ITPR3: variants seen among roughly 807,000 people sequenced by gnomAD.
ITPR3 encodes inositol 1,4,5-trisphosphate receptor type 3.
A neutral mutation model predicts 293.2 loss-of-function variants in ITPR3; 173 were observed. That is an observed-to-expected ratio of 0.59 (90% CI 0.52 to 0.67). The LOEUF (loss-of-function observed/expected upper bound fraction) is 0.67. Among genes scored for constraint, ITPR3 ranks in the 30% least tolerant of loss-of-function variants. The pLI is 0.00. For missense variants in ITPR3, 2,796 were observed against 3,592.1 expected (o/e 0.78, Z 5.66); for synonymous variants, 1,295 against 1,444.4 (o/e 0.90, Z 2.35).
intron 33 of ITPR3, among the ~76,000 whole-genome samples, chr6:33,680,890 T>A: frequency 6.6e-6 from 1 of 150,718 alleles, no homozygotes; most frequent in African/African-American, 2.5e-5. Context: ...GCGCGATCTC[T>A]GCTTACTGCA....
At position 33,695,835 on chromosome 6, in the gene ITPR3, G is replaced by T; in HGVS notation, c.*55G>T. 1 of 1,562,106 alleles carries T rather than the reference G, an allele frequency of 6.4e-7. No individual in the cohort carries two copies. The highest frequency in any genetic ancestry group is 1.1e-5 in the South Asian group (1 of 90,138). On this transcript the variant is annotated 3_prime_UTR_variant, in exon 58 of 58. Coordinates refer to ENST00000605930, the MANE Select transcript of ITPR3 (RefSeq NM_002224.4). Reference sequence around the variant, plus strand: ...TGCTCATCACTGGAGACTGCGACTGGGAAGAACACTGCCCCCTCCCTCGGG... The same window carrying T: ...TGCTCATCACTGGAGACTGCGACTGTGAAGAACACTGCCCCCTCCCTCGGG...
Position 33,694,908 on chromosome 6 carries a change from T to C in ITPR3, c.7786-16T>C. The C allele has an allele frequency of 6.2e-7, 1 of 1,613,980 alleles. No homozygotes were observed. The highest frequency in any genetic ancestry group is 1.1e-5 in the South Asian group (1 of 91,084). ...CCGGGCCCACGCCTGCTTAACCCAC[T>C]GGTGATGTTTTTCAGAACAAGAACC... is the stretch of plus-strand genomic sequence containing the variant. On this transcript the variant is annotated splice_polypyrimidine_tract_variant and intron_variant, in intron 56 of 57. Transcript: ENST00000605930.
chr6:33,632,048 A>G lies in ITPR3; in HGVS notation c.90-8436A>G, dbSNP rs780576869. Among the ~76,000 whole-genome samples the G allele has an allele frequency of 6.6e-6, 1 of 152,142 alleles. No individual in the cohort carries two copies. Among genetic ancestry groups the G allele is most frequent in the East Asian group, 1.9e-4 (1 of 5,196 alleles). On this transcript the variant is annotated intron_variant, in intron 1 of 57. Coordinates refer to ENST00000605930, the MANE Select transcript of ITPR3 (RefSeq NM_002224.4). The surrounding 1 kb of genome is among the most constrained non-coding windows in gnomAD (Gnocchi z 4.1). The stretch of plus-strand genomic sequence containing the variant: ...TTATTCTATTTTTTTTATTATACTG[A>G]AACAGTTTGTGCCTTCAGTCTCTTG...
In ITPR3 at chr6:33,688,134, G is replaced by A; in HGVS notation, c.6342G>A (p.Leu2114=). The A allele has an allele frequency of 6.2e-7, 1 of 1,614,160 alleles. No individual in the cohort carries two copies. Among genetic ancestry groups the A allele is most frequent in the African/African-American group, 1.3e-5 (1 of 75,068 alleles). ...CACAGGAGGAGGAGGAAGACCCCCT[G>A]GCCTACTATGAGAACCACACGTCCC... ...APAQEEEEDP[L]AYYENHTSQI... is the part of the protein sequence containing the mutation. The change falls in exon 47 of 58, where the codon CTG becomes CTA. Residue 2114 remains leucine (L), a synonymous_variant. Coordinates refer to ENST00000605930, the MANE Select transcript of ITPR3 (RefSeq NM_002224.4).
intron 29 of ITPR3, 41 bp from the exon 30 acceptor site, chr6:33,678,598 C>CGGGGGGGGGGGTGGGGGGGGGGGGGG (rs751171545): frequency 1.8e-6 from 2 of 1,100,312 alleles, no homozygotes; most frequent in Non-Finnish European, 2.6e-6. Flanking sequence ...GGGGTGGGGG[C>CGGGGGGGGGGGTGGGGGGGGGGGGGG]GGGGCCCAGA....
rs1341734493 is a variant in ITPR3 at position 33,679,378 on chromosome 6, G to C, written c.3973-504G>C. Among the ~76,000 whole-genome samples, 1 of 152,214 alleles carries C rather than the reference G, an allele frequency of 6.6e-6. No individual in the cohort carries two copies. Among genetic ancestry groups the C allele is most frequent in the African/African-American group, 2.4e-5 (1 of 41,446 alleles). On this transcript the variant is annotated intron_variant, in intron 30 of 57. Coordinates refer to ENST00000605930, the MANE Select transcript of ITPR3 (RefSeq NM_002224.4). This position sits in a 1 kb window ranked among gnomAD's most constrained non-coding sequence, Gnocchi z 4.2. ...TGCCCCTGAGCATCTGACAGTGTAG[G>C]CGGCAGGGGGAGAAAGAAGCAAACA... is the stretch of plus-strand genomic sequence containing the variant.
chr6:33,688,657 C>G lies in ITPR3; in HGVS notation c.6570C>G (p.Ser2190Arg). Residue 2190 changes from serine to arginine, a missense_variant and splice_region_variant, in exon 49 of 58, where the codon AGC becomes AGG. Ser to Arg is a moderately radical substitution (Grantham distance 110, BLOSUM62 -1). Around this residue, in one of 8 missense-constraint regions of ITPR3, gnomAD observed 568 missense variants for 796.1 expected, o/e 0.71. Transcript: ENST00000605930. ...GCTCACCGTTGCCCTCCTCTTCAGG[C>G]ATGCCGCTGATCTACTGGTTCTCCC... ...NEMEWQRKLRSMPLIYWFSRR... is the reference protein window; with the variant it reads ...NEMEWQRKLRRMPLIYWFSRR... 1.2e-6 allele frequency: 2 copies of G among 1,614,100 alleles called. No homozygotes were observed. The highest frequency in any genetic ancestry group is 3.3e-4 in the Middle Eastern group (2 of 6,062).
At chr6:33,642,334 A>C (rs1167917836) in intron 2 of ITPR3, among the ~76,000 whole-genome samples, 2 of 152,024 alleles carry the variant, frequency 1.3e-5, no homozygotes, top group African/African-American at 4.8e-5. Context: ...GAGGGCGTTG[A>C]GGCTGCAGAT....
Position 33,665,193 on chromosome 6 carries a change from C to T in ITPR3, c.1389C>T (p.Phe463=). The stretch of plus-strand genomic sequence containing the variant: ...CCGTGGAGAAACTCAACGAGGGCTT[C>T]ATCAGCCAGAATGACCGCAGGTGGG... ...ASAVEKLNEG[F]ISQNDRRFVI... The change falls in exon 13 of 58, where the codon TTC becomes TTT. Residue 463 remains phenylalanine, a synonymous_variant. Coordinates refer to ENST00000605930, the MANE Select transcript of ITPR3 (RefSeq NM_002224.4). The T allele has an allele frequency of 6.2e-7, 1 of 1,613,980 alleles. No individual in the cohort carries two copies.
In ITPR3 at chr6:33,670,440, C is replaced by A; in HGVS notation, c.2305C>A (p.Leu769Met). The part of the protein sequence containing the change: ...LIFLCMADEM[L>M]PFDLRASFCH... ...TTTCCTGTGCATGGCAGACGAGATG[C>A]TGCCCTTTGACCTGCGCGCCTCCTT... The change falls in exon 19 of 58, where the codon CTG becomes ATG. Residue 769 changes from leucine (L) to methionine (M), a missense_variant. Transcript: ENST00000605930. The surrounding 1 kb of genome is among the most constrained non-coding windows in gnomAD (Gnocchi z 6.7). 6.2e-7 allele frequency: 1 copy of A among 1,614,106 alleles called. No individual in the cohort carries two copies. Among genetic ancestry groups the A allele is most frequent in the Non-Finnish European group, 8.5e-7 (1 of 1,180,046 alleles).
Position 33,670,936 on chromosome 6 carries a change from C to T in ITPR3, c.2586+121C>T, listed in dbSNP as rs1465889870. ...ATGACCCCACTTCCTTCTGTGTCCCCAGCCAGTGCAGGGGGACCGCATAGA... is the reference window on the plus strand; with the variant it reads ...ATGACCCCACTTCCTTCTGTGTCCCTAGCCAGTGCAGGGGGACCGCATAGA... On this transcript the variant is annotated intron_variant, in intron 20 of 57. Coordinates refer to ENST00000605930, the MANE Select transcript of ITPR3 (RefSeq NM_002224.4). The surrounding 1 kb of genome is among the most constrained non-coding windows in gnomAD (Gnocchi z 6.7). 1 of 1,378,030 alleles carries T rather than the reference C, an allele frequency of 7.3e-7. No homozygotes were observed. Among genetic ancestry groups the T allele is most frequent in the Non-Finnish European group, 9.9e-7 (1 of 1,007,444 alleles). 85.4% of individuals were successfully genotyped at this position (1,378,030 alleles called of 1,614,324 possible).
chr6:33,690,707 CCTTT>C (rs1765365235), intron 51 of ITPR3, among the ~76,000 whole-genome samples: 1 of 152,178 alleles, frequency 6.6e-6, no homozygotes, highest in African/African-American at 2.4e-5. Flanking sequence ...TGGGCCACTC[CCTTT>C]CTGTGACCTT....
In ITPR3 at chr6:33,675,425, C is replaced by CAAA. The variant is rs59595237; in HGVS notation, c.3117-253_3117-251dup. 1.0e-5 allele frequency among the ~76,000 whole-genome samples: 1 copy of CAAA among 98,046 alleles called. No homozygotes were observed. The highest frequency in any genetic ancestry group is 2.2e-5 in the Non-Finnish European group (1 of 46,334). The allele number at this position is 98,046 out of a possible 152,430, so 64.3% of individuals were successfully genotyped here. A position where few individuals can be genotyped will look rare whatever the true frequency, so the allele number is the denominator to read the frequency against. ...TGGGTGACAGAGCAAGACTCTGTCT[C>CAAA]AAAAAAAAAAAAAAAGAGTCCTTGC... On this transcript the variant is annotated intron_variant, in intron 24 of 57. Coordinates refer to ENST00000605930, the MANE Select transcript of ITPR3 (RefSeq NM_002224.4). The surrounding 1 kb of genome is among the most constrained non-coding windows in gnomAD (Gnocchi z 5.0).
rs747619884 is a variant in ITPR3, at chr6:33,662,612, C to T, written c.796C>T (p.Arg266Ter). Residue 266 changes from arginine (R) to a stop codon, truncating the protein, a stop_gained, in exon 8 of 58, where the codon CGA becomes TGA. Transcript: ENST00000605930. LOFTEE classifies it high-confidence loss of function. ...CAAGGGCAAGCTGCAGGTGTTCCTG[C>T]GAACTACACTGCGCCAGTCTGCCAC... ...EYKGKLQVFL[R>*]TTLRQSATSA... The T allele has an allele frequency of 7.4e-6, 12 of 1,611,914 alleles. No homozygotes were observed. The highest frequency in any genetic ancestry group is 2.2e-5 in the East Asian group (1 of 44,856).
intron 1 of ITPR3, among the ~76,000 whole-genome samples, chr6:33,635,501 G>C (rs1032263198): frequency 6.6e-6 from 1 of 152,170 alleles, no homozygotes; most frequent in African/African-American, 2.4e-5. Flanking sequence ...AAACAGACAC[G>C]TCTGTGCCCT....
chr6:33,674,377 C>T, intron 24 of ITPR3, 112 bp downstream of exon 24: 2 of 965,728 alleles, frequency 2.1e-6, no homozygotes, highest in Non-Finnish European at 3.2e-6. Context: ...CTGCCATTCC[C>T]TCTGCAGACC....
At chr6:33,678,987 G>A (rs1764994272) in intron 30 of ITPR3, 148 bp downstream of exon 30, 1 of 817,392 alleles carries the variant, frequency 1.2e-6, no homozygotes, top group Non-Finnish European at 2.0e-6. Flanking sequence ...CGCAGAGGGA[G>A]AAGTGAGGCT....
chr6:33,634,830 A>G (rs984264758), intron 1 of ITPR3, among the ~76,000 whole-genome samples: 1 of 152,110 alleles, frequency 6.6e-6, no homozygotes, highest in Non-Finnish European at 1.5e-5. Context: ...GACCCAGACA[A>G]GGAGTTCCCA....
intron 1 of ITPR3, among the ~76,000 whole-genome samples, chr6:33,637,302 T>A (rs1458149087): frequency 6.6e-6 from 1 of 152,160 alleles, no homozygotes; most frequent in Non-Finnish European, 1.5e-5. Flanking sequence ...TCCCTCTTTA[T>A]GTTTAATAAT....
Sources: gnomAD v4.1 joint callset for allele counts (sites outside exome capture counted in the v4.1 genomes callset) on GRCh38, gnomAD v4.1.1 for gene constraint, gnomAD v4.1.1 regional missense constraint, Gnocchi (gnomAD v3.1) non-coding constraint, MANE v1.5 for transcripts, NCBI Gene and HGNC (gene_info 2026-07-23, HGNC 2026-07-21) for gene names.